The following GREM2 variants were observed in gnomAD, a reference collection of about 807,000 sequenced individuals.
GREM2 encodes gremlin-2.
GREM2 carries 11 observed loss-of-function variants against 14.2 expected under a neutral mutation model. The observed-to-expected ratio is 0.78, with a 90% confidence interval of 0.49 to 1.28. The LOEUF (loss-of-function observed/expected upper bound fraction) is 1.28. Ranked by LOEUF, GREM2 falls within the 50% of genes most tolerant of loss-of-function variation. The pLI is 0.00. For synonymous variants in GREM2, 98 were observed against 97.6 expected (o/e 1.00, Z -0.02); for missense variants, 210 against 218.5 (o/e 0.96, Z 0.24).
chr1:240,497,426 T>C (rs1677451612), intron 1 of GREM2, among the ~76,000 whole-genome samples: 1 of 151,946 alleles, frequency 6.6e-6, no homozygotes, highest in African/African-American at 2.4e-5. Context: ...TCTGGTGGGA[T>C]CCAATGGCCA....
In GREM2 at chr1:240,612,044, T is replaced by C. The variant is rs997775813; in HGVS notation, c.-162A>G. 1 of 152,662 alleles carries C rather than the reference T, an allele frequency of 6.6e-6. No individual in the cohort carries two copies. Among genetic ancestry groups the C allele is most frequent in the African/African-American group, 2.4e-5 (1 of 41,442 alleles). 9.5% of individuals were successfully genotyped at this position (152,662 alleles called of 1,614,324 possible). On this transcript the variant is annotated 5_prime_UTR_variant, in exon 1 of 2. It removes an upstream start codon present in the reference 5' UTR. Transcript: ENST00000318160. ...GCAGCCAGACTGCAGCAGACGCCCA[T>C]AAGAGAAGCGCGCCGGCTGAGGGTG...
At chr1:240,576,360 TTGACG>T (rs1319302491) in intron 1 of GREM2, among the ~76,000 whole-genome samples, 2 of 152,226 alleles carry the variant, frequency 1.3e-5, no homozygotes, top group African/African-American at 4.8e-5. Context: ...CTTCCCTCTC[TTGACG>T]AAGCTTCCTG....
At chr1:240,591,678 C>T (rs1163525771) in intron 1 of GREM2, among the ~76,000 whole-genome samples, 1 of 152,132 alleles carries the variant, frequency 6.6e-6, no homozygotes, top group African/African-American at 2.4e-5. Context: ...CACAGATGAT[C>T]ACGGATTGGG....
chr1:240,533,224 G>A (rs866765216), intron 1 of GREM2, among the ~76,000 whole-genome samples: 1 of 152,180 alleles, frequency 6.6e-6, no homozygotes, highest in African/African-American at 2.4e-5. Flanking sequence ...GAAAAGTGGA[G>A]GAATATCTGA....
intron 1 of GREM2, among the ~76,000 whole-genome samples, chr1:240,498,783 A>G (rs1677494862): frequency 6.6e-6 from 1 of 152,210 alleles, no homozygotes; most frequent in Non-Finnish European, 1.5e-5. Context: ...AGGATACTTC[A>G]TTTTATTCTC....
chr1:240,575,629 T>A (rs1679356241), intron 1 of GREM2, among the ~76,000 whole-genome samples: 1 of 151,970 alleles, frequency 6.6e-6, no homozygotes, highest in South Asian at 2.1e-4. Context: ...CAAGCGATTC[T>A]CCTGACTCAG....
intron 1 of GREM2, among the ~76,000 whole-genome samples, chr1:240,589,406 G>A (rs1438920734): frequency 6.7e-6 from 1 of 149,694 alleles, no homozygotes; most frequent in African/African-American, 2.5e-5. Context: ...TTGCACTCCA[G>A]CCTGGGCAAC....
At chr1:240,554,655 A>C (rs1263948041) in intron 1 of GREM2, among the ~76,000 whole-genome samples, 1 of 152,196 alleles carries the variant, frequency 6.6e-6, no homozygotes, top group African/African-American at 2.4e-5. Context: ...TGTGATTTTT[A>C]CATTGTCACA....
In GREM2 at chr1:240,493,180, C is replaced by T; in HGVS notation, c.296G>A (p.Gly99Asp). ...CGGGATGTAGAAGGAGTTGCACTGG[C>T]CGTAGCAGAAGCGGTTGAGGATGGT... is the stretch of plus-strand genomic sequence containing the variant. ...SRTILNRFCY[G>D]QCNSFYIPRH... The change falls in exon 2 of 2, where the codon GGC (glycine) becomes GAC (aspartate). Residue 99 changes from glycine to aspartate, a missense_variant. By Grantham distance (94) the Gly-to-Asp change is moderately conservative. Coordinates refer to ENST00000318160, the MANE Select transcript of GREM2 (RefSeq NM_022469.4). 6.2e-7 allele frequency: 1 copy of T among 1,614,152 alleles called. No individual in the cohort carries two copies. The highest frequency in any genetic ancestry group is 8.5e-7 in the Non-Finnish European group (1 of 1,180,030).
At position 240,490,410 on chromosome 1, in the gene GREM2, ACT is replaced by A. The variant is rs1677219911; in HGVS notation, c.*2557_*2558del. 1 of 152,456 alleles carries A rather than the reference ACT, an allele frequency of 6.6e-6. No individual in the cohort carries two copies. Among genetic ancestry groups the A allele is most frequent in the African/African-American group, 2.4e-5 (1 of 41,386 alleles). The allele number at this position is 152,456 out of a possible 1,614,324, so 9.4% of individuals were successfully genotyped here. ...TTGAACTCACCATGGTTGAACAAAA[ACT>A]CTCTGAACGCATAGTGCTGCTTCAC... On this transcript the variant is annotated 3_prime_UTR_variant, in exon 2 of 2. Transcript: ENST00000318160.
At chr1:240,598,876 T>C (rs954110582) in intron 1 of GREM2, among the ~76,000 whole-genome samples, 10 of 152,184 alleles carry the variant, frequency 6.6e-5, no homozygotes, top group African/African-American at 9.6e-5. Context: ...CTGACTTTCA[T>C]AGTGCTCTCA....
intron 1 of GREM2, among the ~76,000 whole-genome samples, chr1:240,515,442 T>C (rs1185899363): frequency 1.3e-5 from 2 of 152,210 alleles, no homozygotes; most frequent in Admixed American, 6.5e-5. Flanking sequence ...TTTAATGAGA[T>C]CAAAGTACAT....
intron 1 of GREM2, among the ~76,000 whole-genome samples, chr1:240,554,177 G>A (rs769039754): frequency 1.3e-5 from 2 of 152,042 alleles, no homozygotes; most frequent in African/African-American, 4.8e-5. Flanking sequence ...TTGGGAGGCC[G>A]AGGCAGGCAG....
At chr1:240,564,682 A>C (rs1327027206) in intron 1 of GREM2, among the ~76,000 whole-genome samples, 1 of 152,174 alleles carries the variant, frequency 6.6e-6, no homozygotes, top group Admixed American at 6.5e-5. Flanking sequence ...CCAGGGCCTG[A>C]CAATATATGC....
At chr1:240,578,380 C>T (rs1679413606) in intron 1 of GREM2, among the ~76,000 whole-genome samples, 1 of 151,838 alleles carries the variant, frequency 6.6e-6, no homozygotes, top group Admixed American at 6.6e-5. Flanking sequence ...CCCACTGTGG[C>T]CTCCCAAAAT....
At chr1:240,590,086 T>C (rs1679675918) in intron 1 of GREM2, among the ~76,000 whole-genome samples, 1 of 152,218 alleles carries the variant, frequency 6.6e-6, no homozygotes, top group African/African-American at 2.4e-5. Flanking sequence ...GAGTTTCCTT[T>C]TGCTTTGAAC....
chr1:240,578,880 G>A lies in GREM2; in HGVS notation c.-2+33004C>T, dbSNP rs1009223861. Among the ~76,000 whole-genome samples the A allele has an allele frequency of 2.6e-5, 4 of 152,148 alleles. No individual in the cohort carries two copies. The East Asian group carries it at 5.8e-4, about 22-fold the overall frequency. On this transcript the variant is annotated intron_variant, in intron 1 of 1. Coordinates refer to ENST00000318160, the MANE Select transcript of GREM2 (RefSeq NM_022469.4). ...AGACCCTAATGAATGAGAAGCCCTA[G>A]GGCCGAGATTGGGAATCTGCATTTT...
chr1:240,527,607 A>T (rs6668956), intron 1 of GREM2, among the ~76,000 whole-genome samples: 45,800 of 152,062 alleles, frequency 0.3, 7,124 homozygotes, highest in Middle Eastern at 0.39. Flanking sequence ...TACGTAGGTG[A>T]GACAGAAAAG....
chr1:240,521,436 TGA>T (rs1553273803), intron 1 of GREM2, among the ~76,000 whole-genome samples: 2 of 151,280 alleles, frequency 1.3e-5, no homozygotes, highest in East Asian at 2.0e-4. Flanking sequence ...CCGGGCATGG[TGA>T]GGGGCGACTG....
Sources: allele counts gnomAD v4.1 joint callset (sites outside exome capture counted in the v4.1 genomes callset), GRCh38; gene constraint gnomAD v4.1.1; transcripts MANE v1.5; gene names NCBI Gene and HGNC (gene_info 2026-07-23, HGNC 2026-07-21).